The following ITGA8 variants were observed in gnomAD, a reference collection of about 807,000 sequenced individuals.
The protein encoded by ITGA8 is integrin subunit alpha 8.
ITGA8 carries 91 observed loss-of-function variants against 142.3 expected under a neutral mutation model. That is an observed-to-expected ratio of 0.64 (90% confidence interval 0.54 to 0.76). The LOEUF is 0.76. Ranked by LOEUF, ITGA8 falls within the 30% of genes least tolerant of loss-of-function variation. ITGA8 has a pLI of 0.00. For synonymous variants in ITGA8, 505 were observed against 485.2 expected, an observed-to-expected ratio of 1.04 and a Z score of -0.54; for missense variants, 1,406 against 1,327.7, an observed-to-expected ratio of 1.06 and a Z score of -0.92.
chr10:15,605,165 A>G (rs918404054), intron 19 of ITGA8, among the ~76,000 whole-genome samples: 1 of 152,160 alleles, frequency 6.6e-6, no homozygotes, highest in Non-Finnish European at 1.5e-5. Flanking sequence ...TTCCCATAAC[A>G]GAATACAGTG....
chr10:15,658,855 T>G (rs1163820262), intron 10 of ITGA8, 144 bp downstream of exon 10: 3 of 600,316 alleles, frequency 5.0e-6, no homozygotes, highest in Non-Finnish European at 2.9e-6. Context: ...GATGCATGAT[T>G]GCATCCCCGG....
chr10:15,528,509 T>TC (rs1833222261), intron 28 of ITGA8, among the ~76,000 whole-genome samples: 1 of 72,862 alleles, frequency 1.4e-5, no homozygotes, highest in South Asian at 3.5e-4. Context: ...AAAAAGTCTT[T>TC]TTTTTTTTTT....
intron 7 of ITGA8, among the ~76,000 whole-genome samples, chr10:15,672,265 A>G (rs910840215): frequency 1.3e-5 from 2 of 152,218 alleles, no homozygotes; most frequent in Non-Finnish European, 2.9e-5. Context: ...TAATTTGAGA[A>G]TATTCCAGCA....
intron 2 of ITGA8, among the ~76,000 whole-genome samples, chr10:15,700,953 T>C (rs1480283297): frequency 6.6e-6 from 1 of 152,180 alleles, no homozygotes; most frequent in Non-Finnish European, 1.5e-5. Context: ...TCTATGTTTT[T>C]ATATAGGTAT....
intron 21 of ITGA8, among the ~76,000 whole-genome samples, chr10:15,595,278 T>C (rs1367101989): frequency 6.6e-6 from 1 of 152,198 alleles, no homozygotes; most frequent in African/African-American, 2.4e-5. Flanking sequence ...GCTTTTAAAA[T>C]CTTTAGCACT....
At chr10:15,523,266 A>C (rs1320928985) in intron 28 of ITGA8, among the ~76,000 whole-genome samples, 1 of 152,218 alleles carries the variant, frequency 6.6e-6, no homozygotes, top group Non-Finnish European at 1.5e-5. Flanking sequence ...TGGGCTATCC[A>C]GAGAAATAAG....
intron 2 of ITGA8, among the ~76,000 whole-genome samples, chr10:15,709,771 A>T (rs1835330097): frequency 6.6e-6 from 1 of 152,258 alleles, no homozygotes; most frequent in South Asian, 2.1e-4. Flanking sequence ...GCCATGTCAG[A>T]ACAGGTCTGT....
At chr10:15,641,204 C>A (rs1433955941) in intron 13 of ITGA8, among the ~76,000 whole-genome samples, 2 of 152,182 alleles carry the variant, frequency 1.3e-5, no homozygotes, top group Non-Finnish European at 2.9e-5. Flanking sequence ...CAGGTGCATG[C>A]TACCACGGCT....
chr10:15,548,539 G>A lies in ITGA8; in HGVS notation c.2796C>T (p.Ile932=), dbSNP rs756052226. 3 of 1,609,634 alleles carry A rather than the reference G, an allele frequency of 1.9e-6. No individual in the cohort carries two copies. The highest frequency in any genetic ancestry group is 1.7e-6 in the Non-Finnish European group (2 of 1,178,634). ...CTTCGAGTCGTCCCACTGCACAGGA[G>A]ATTTGTAAACACTCGATATTTGTAC... is the stretch of plus-strand genomic sequence containing the variant. ...LNCTNIECLQ[I]SCAVGRLEGG... Residue 932 remains isoleucine (I), a synonymous_variant, in exon 27 of 30, where the codon ATC becomes ATT. Transcript: ENST00000378076.
At chr10:15,607,958 A>G (rs564993602) in intron 16 of ITGA8, 127 bp from the exon 17 acceptor site, 1 of 783,016 alleles carries the variant, frequency 1.3e-6, no homozygotes, top group African/African-American at 1.7e-5. Flanking sequence ...ACCAAGCATG[A>G]TAAATGAGCT....
chr10:15,718,928 T>TG (rs1835505232), intron 1 of ITGA8, 29 bp from the exon 2 acceptor site: 1 of 1,613,474 alleles, frequency 6.2e-7, no homozygotes, highest in African/African-American at 1.3e-5. Flanking sequence ...AAGTCACTCT[T>TG]TGGGCGCCAC....
At chr10:15,577,847 C>T (rs1014305682) in intron 23 of ITGA8, among the ~76,000 whole-genome samples, 5 of 152,196 alleles carry the variant, frequency 3.3e-5, no homozygotes, top group Admixed American at 1.3e-4. Context: ...GAAGATAGAA[C>T]GTTATCCCAG....
At chr10:15,561,773 G>A (rs891884172) in intron 25 of ITGA8, among the ~76,000 whole-genome samples, 1 of 152,160 alleles carries the variant, frequency 6.6e-6, no homozygotes, top group East Asian at 1.9e-4. Context: ...GCATGTGGAA[G>A]GGTGGGGTGG....
intron 23 of ITGA8, among the ~76,000 whole-genome samples, chr10:15,581,879 C>A (rs1834414497): frequency 6.6e-6 from 1 of 152,138 alleles, no homozygotes; most frequent in South Asian, 2.1e-4. Context: ...GGATTTTCAA[C>A]AAAGGTGCCA....
chr10:15,680,318 C>T (rs989814996), intron 4 of ITGA8, among the ~76,000 whole-genome samples: 5 of 150,524 alleles, frequency 3.3e-5, no homozygotes, highest in Non-Finnish European at 4.4e-5. Flanking sequence ...AGCTCCGCCT[C>T]CCGGGTTCAC....
chr10:15,555,970 T>G (rs895222503), intron 26 of ITGA8, among the ~76,000 whole-genome samples: 4 of 149,650 alleles, frequency 2.7e-5, no homozygotes, highest in Non-Finnish European at 5.9e-5. Context: ...ACCTTCCCTT[T>G]CTTATTACTC....
intron 8 of ITGA8, among the ~76,000 whole-genome samples, chr10:15,670,837 C>A (rs1405837447): frequency 1.3e-5 from 2 of 152,168 alleles, no homozygotes; most frequent in Non-Finnish European, 2.9e-5. Context: ...TTGCTCGAAG[C>A]CAATCTCGTT....
At position 15,650,680 on chromosome 10, in the gene ITGA8, GC is replaced by G. The variant is rs376122927; in HGVS notation, c.1002-3630del. Among the ~76,000 whole-genome samples, 392 of 152,184 alleles carry G rather than the reference GC, an allele frequency of 2.6e-3. 1 individual carries two copies. Among genetic ancestry groups the G allele is most frequent in the African/African-American group, 9.1e-3 (377 of 41,512 alleles). On this transcript the variant is annotated intron_variant, in intron 11 of 29. Coordinates refer to ENST00000378076, the MANE Select transcript of ITGA8 (RefSeq NM_003638.3). ...ATTCAATTATAGCAACAAAAAACAG[GC>G]TAAGCCATGTATTGCTTTAACATAG...
At chr10:15,710,731 T>C (rs1482908764) in intron 2 of ITGA8, among the ~76,000 whole-genome samples, 1 of 152,270 alleles carries the variant, frequency 6.6e-6, no homozygotes, top group South Asian at 2.1e-4. Flanking sequence ...GGGGAAATCA[T>C]AGGCTCTGAC....
Sources: allele counts gnomAD v4.1 joint callset (sites outside exome capture counted in the v4.1 genomes callset), GRCh38; gene constraint gnomAD v4.1.1; transcripts MANE v1.5; gene names NCBI Gene and HGNC (gene_info 2026-07-23, HGNC 2026-07-21).